RMDN1: variants seen among roughly 807,000 people sequenced by gnomAD.
RMDN1 encodes regulator of microtubule dynamics 1, also known as regulator of microtubule dynamics protein 1.
A neutral mutation model predicts 48.9 loss-of-function variants in RMDN1; 48 were observed. That is an observed-to-expected ratio of 0.98 (90% confidence interval 0.78 to 1.25). The LOEUF is 1.25. RMDN1 is among the 50% of genes most tolerant of loss of function. The pLI is 0.00. For missense variants in RMDN1, 418 were observed against 373.4 expected (o/e 1.12, Z -0.98); for synonymous variants, 148 against 132.6 (o/e 1.12, Z -0.80).
intron 2 of RMDN1, among the ~76,000 whole-genome samples, chr8:86,495,180 C>A (rs756724376): frequency 2.6e-5 from 4 of 152,096 alleles, no homozygotes; most frequent in South Asian, 4.2e-4. Context: ...AGGACACAGA[C>A]CCTGAATCTG....
At chr8:86,511,816 C>CA (rs1157080564), upstream of RMDN1, among the ~76,000 whole-genome samples, 588 of 50,292 alleles carry the variant, frequency 0.012, 6 homozygotes, top group African/African-American at 0.032. Context: ...ACCTGTCTCT[C>CA]AAAAAAAAAA....
At chr8:86,489,514 T>C (rs574584319) in intron 2 of RMDN1, among the ~76,000 whole-genome samples, 1 of 152,280 alleles carries the variant, frequency 6.6e-6, no homozygotes, top group Admixed American at 6.5e-5. Context: ...TATACTTTAA[T>C]TAATCACAGT....
At chr8:86,494,193 A>G (rs549650567) in intron 2 of RMDN1, among the ~76,000 whole-genome samples, 1 of 152,344 alleles carries the variant, frequency 6.6e-6, no homozygotes, top group East Asian at 1.9e-4. Context: ...TTGCTAATGG[A>G]ATAGACTACA....
chr8:86,485,918 A>G (rs887620299), intron 4 of RMDN1, among the ~76,000 whole-genome samples: 9 of 152,182 alleles, frequency 5.9e-5, no homozygotes, highest in Non-Finnish European at 1.0e-4. Flanking sequence ...CCAAGGTCCA[A>G]CTTCACCCTG....
chr8:86,491,057 C>A (rs1385370595), intron 2 of RMDN1, among the ~76,000 whole-genome samples: 1 of 151,706 alleles, frequency 6.6e-6, no homozygotes, highest in Admixed American at 6.6e-5. Context: ...CTTTTATAAT[C>A]TCTCAAATAA....
At chr8:86,482,253 T>G (rs957626948) in intron 5 of RMDN1, 1 of 310,760 alleles carries the variant, frequency 3.2e-6, no homozygotes, top group Non-Finnish European at 6.0e-6. Context: ...AATATAAAAA[T>G]TAGCCAGGTG....
intron 2 of RMDN1, among the ~76,000 whole-genome samples, chr8:86,501,101 G>A (rs1211758248): frequency 1.3e-5 from 2 of 152,060 alleles, no homozygotes; most frequent in Non-Finnish European, 2.9e-5. Flanking sequence ...TGGGTACAAT[G>A]CTCACTACCT....
intron 5 of RMDN1, 108 bp downstream of exon 5, chr8:86,484,764 C>A: frequency 1.8e-6 from 1 of 563,916 alleles, no homozygotes; most frequent in South Asian, 2.5e-5. Flanking sequence ...GGCTCTACTC[C>A]ACTGTTATCA....
At chr8:86,509,394 C>T (rs1819920376), upstream of RMDN1, among the ~76,000 whole-genome samples, 1 of 151,982 alleles carries the variant, frequency 6.6e-6, no homozygotes, top group African/African-American at 2.4e-5. Flanking sequence ...AAATTTCTTG[C>T]TCGAGTGGAA....
At chr8:86,502,802 G>T (rs927192938) in intron 2 of RMDN1, among the ~76,000 whole-genome samples, 1 of 152,060 alleles carries the variant, frequency 6.6e-6, no homozygotes, top group Non-Finnish European at 1.5e-5. Flanking sequence ...AATATTTCAG[G>T]CTTTGTGAGC....
At chr8:86,479,160 T>G in intron 6 of RMDN1, 150 bp from the exon 7 acceptor site, 1 of 605,268 alleles carries the variant, frequency 1.7e-6, no homozygotes, top group South Asian at 2.1e-5. Flanking sequence ...AATCCAGAGA[T>G]TGACATAGTG....
At chr8:86,508,184 T>G in intron 1 of RMDN1, 1 of 329,874 alleles carries the variant, frequency 3.0e-6, no homozygotes, top group Non-Finnish European at 5.5e-6. Context: ...ACAGGGAGAA[T>G]AATTTCACAG....
At chr8:86,496,847 C>A (rs545399326) in intron 2 of RMDN1, among the ~76,000 whole-genome samples, 1 of 152,222 alleles carries the variant, frequency 6.6e-6, no homozygotes, top group Non-Finnish European at 1.5e-5. Context: ...ATTCTTCTCA[C>A]CTGAGCACGG....
chr8:86,506,354 T>C (rs1308622464), intron 2 of RMDN1, among the ~76,000 whole-genome samples: 1 of 152,242 alleles, frequency 6.6e-6, no homozygotes, highest in Non-Finnish European at 1.5e-5. Context: ...GATTATTATC[T>C]AAAGGTGTGT....
intron 2 of RMDN1, among the ~76,000 whole-genome samples, chr8:86,492,651 T>A (rs1013432602): frequency 6.9e-6 from 1 of 144,288 alleles, no homozygotes; most frequent in South Asian, 2.2e-4. Context: ...AGACTCCGCC[T>A]TAATAATAAT....
intron 2 of RMDN1, among the ~76,000 whole-genome samples, chr8:86,491,221 G>T (rs1816443340): frequency 6.6e-6 from 1 of 151,854 alleles, no homozygotes; most frequent in Admixed American, 6.6e-5. Context: ...TGCAACCTCT[G>T]CCTCCCAAGT....
chr8:86,492,608 G>T (rs751890020), intron 2 of RMDN1, among the ~76,000 whole-genome samples: 1 of 151,466 alleles, frequency 6.6e-6, no homozygotes, highest in Admixed American at 6.6e-5. Context: ...AAATGAGATC[G>T]CACCAATGCA....
chr8:86,490,797 A>G (rs1362297178), intron 2 of RMDN1, among the ~76,000 whole-genome samples: 3 of 152,182 alleles, frequency 2.0e-5, no homozygotes. Flanking sequence ...GACTTACTAA[A>G]AAGACTAATT....
chr8:86,492,012 G>A (rs1281757399), intron 2 of RMDN1, among the ~76,000 whole-genome samples: 1 of 151,636 alleles, frequency 6.6e-6, no homozygotes, highest in East Asian at 1.9e-4. Context: ...CAATAATACT[G>A]TGTCTCAGCA....
Sources: gnomAD v4.1 joint callset for allele counts (sites outside exome capture counted in the v4.1 genomes callset) on GRCh38, gnomAD v4.1.1 for gene constraint, MANE v1.5 for transcripts, NCBI Gene and HGNC (gene_info 2026-07-23, HGNC 2026-07-21) for gene names.